Variants in HMCN2 observed in about 807,000 individuals in gnomAD.
The protein encoded by HMCN2 is hemicentin-2.
Under a neutral mutation model 377.5 loss-of-function variants are expected in HMCN2, and 325 were observed. That is an observed-to-expected ratio of 0.86 (90% CI 0.79 to 0.94). The LOEUF (loss-of-function observed/expected upper bound fraction) is 0.94, where lower values mean the gene tolerates loss of function less well. HMCN2 is among the 40% of genes least tolerant of loss of function. The pLI is 0.00. For synonymous variants in HMCN2, 2,007 were observed against 2,046.8 expected (o/e 0.98, Z 0.53); for missense variants, 4,543 against 4,725.3 (o/e 0.96, Z 1.13).
At position 130,296,396 on chromosome 9, in the gene HMCN2, A is replaced by G. The variant is rs578031488; in HGVS notation, c.892-278A>G. 5.9e-5 allele frequency among the ~76,000 whole-genome samples: 9 copies of G among 152,288 alleles called. No homozygotes were observed. The South Asian group carries it at 1.9e-3, about 32-fold the overall frequency. ...GGGCAAGGCAGGGAGTTAGACATTC[A>G]CGGGAACAGACAGGGCCTGCCGGGG... On this transcript the variant is annotated intron_variant, in intron 6 of 97. Transcript: ENST00000683500.
At position 130,384,431 on chromosome 9, in the gene HMCN2, C is replaced by T. The variant is rs1330539171; in HGVS notation, c.8889C>T (p.Ser2963=). The T allele has an allele frequency of 1.0e-5, 13 of 1,303,836 alleles. No homozygotes were observed. Among genetic ancestry groups the T allele is most frequent in the East Asian group, 1.1e-4 (2 of 18,030 alleles). 80.8% of individuals were successfully genotyped at this position (1,303,836 alleles called of 1,614,324 possible). The change falls in exon 58 of 98, where the codon AGC becomes AGT. Residue 2963 remains serine, a synonymous_variant. Transcript: ENST00000683500. ...AGGTCACTGCCATCCTCAACAGCAG[C>T]GTCTCCCTCCCTTGCGACGTCCACG... ...LEQVTAILNS[S]VSLPCDVHAH... is the part of the protein sequence containing the mutation.
rs141618554 is a variant in HMCN2, at chr9:130,429,345, G to T, written c.14198-212G>T. On this transcript the variant is annotated intron_variant, in intron 93 of 97. Coordinates refer to ENST00000683500, the MANE Select transcript of HMCN2 (RefSeq NM_001291815.2). ...GACTCTGCCCACAAAGGGCCTTTCA[G>T]CCCCTTCCTTTCTCTGGGACCTGGA... is the stretch of plus-strand genomic sequence containing the variant. The T allele has an allele frequency of 2.3e-5, 14 of 612,198 alleles. No individual in the cohort carries two copies. The African/African-American group carries it at 2.4e-4, about 11-fold the overall frequency. 37.9% of individuals were successfully genotyped at this position (612,198 alleles called of 1,614,324 possible).
At position 130,382,281 on chromosome 9, in the gene HMCN2, C is replaced by T. The variant is rs972827644; in HGVS notation, c.8529C>T (p.Tyr2843=). 1.1e-5 allele frequency: 11 copies of T among 985,590 alleles called. No homozygotes were observed. Among genetic ancestry groups the T allele is most frequent in the Middle Eastern group, 5.2e-4 (1 of 1,936 alleles). The allele number at this position is 985,590 out of a possible 1,614,324, so 61.1% of individuals were successfully genotyped here. A position where few individuals can be genotyped will look rare whatever the true frequency, so the allele number is the denominator to read the frequency against. ...AGGTGGGCGAGGACTGGCTGCACTA[C>T]GAGCTGCTGGTGCTGAGTGAGTGGC... The part of the protein sequence containing the change: ...SNEVGEDWLH[Y]ELLVLTPPVI... The change falls in exon 55 of 98, where the codon TAC becomes TAT. Residue 2843 remains tyrosine, a synonymous_variant. Coordinates refer to ENST00000683500, the MANE Select transcript of HMCN2 (RefSeq NM_001291815.2).
intron 23 of HMCN2, among the ~76,000 whole-genome samples, chr9:130,340,855 C>T (rs1332188572): frequency 2.6e-5 from 4 of 152,146 alleles, no homozygotes; most frequent in African/African-American, 4.8e-5. Context: ...GGCACATTGG[C>T]GAGGGCAGAG....
rs1836993015 is a variant in HMCN2, at chr9:130,308,147, G to T, written c.2200+581G>T. On this transcript the variant is annotated intron_variant, in intron 14 of 97. Transcript: ENST00000683500. The surrounding 1 kb of genome is among the most constrained non-coding windows in gnomAD (Gnocchi z 4.1). ...CATTTTTGTATTTTTAGTAGAGATG[G>T]GGTTTTACCATGTTGGACAGGCTAG... Among the ~76,000 whole-genome samples, 2 of 151,996 alleles carry T rather than the reference G, an allele frequency of 1.3e-5. No individual in the cohort carries two copies. Among genetic ancestry groups the T allele is most frequent in the Admixed American group, 6.5e-5 (1 of 15,272 alleles).
intron 15 of HMCN2, among the ~76,000 whole-genome samples, chr9:130,315,342 T>G: frequency 2.0e-4 from 1 of 4,982 alleles, no homozygotes; most frequent in East Asian, 7.9e-3. Context: ...TCCCCCTCCC[T>G]TCCCACTCCC....
At chr9:130,307,945 T>C (rs1441480493) in intron 14 of HMCN2, among the ~76,000 whole-genome samples, 1 of 152,138 alleles carries the variant, frequency 6.6e-6, no homozygotes, top group Non-Finnish European at 1.5e-5. Flanking sequence ...TTTTTTATTT[T>C]TTTGTTTTAT....
chr9:130,327,772 ACACT>A (rs1220669928), intron 22 of HMCN2, among the ~76,000 whole-genome samples: 1 of 152,224 alleles, frequency 6.6e-6, no homozygotes, highest in Non-Finnish European at 1.5e-5. Flanking sequence ...CAGGACACTG[ACACT>A]CAGCCAGGGA....
chr9:130,367,667 C>T (rs754423143), intron 43 of HMCN2, among the ~76,000 whole-genome samples: 2 of 151,848 alleles, frequency 1.3e-5, no homozygotes, highest in East Asian at 1.9e-4. Flanking sequence ...GGAGGCTGGT[C>T]GCGGTGGCTC....
intron 84 of HMCN2, among the ~76,000 whole-genome samples, 196 bp from the exon 85 acceptor site, chr9:130,410,375 G>A (rs561019363): frequency 9.9e-4 from 151 of 152,344 alleles, no homozygotes; most frequent in Non-Finnish European, 1.6e-3. Flanking sequence ...GTGAAAAGGG[G>A]CTGGATTCTC....
intron 3 of HMCN2, among the ~76,000 whole-genome samples, 189 bp from the exon 4 acceptor site, chr9:130,285,999 G>A (rs1335463580): frequency 6.6e-6 from 1 of 152,148 alleles, no homozygotes; most frequent in African/African-American, 2.4e-5. Context: ...TCCTGCATCA[G>A]CTCCTGATCC....
chr9:130,383,335 C>T (rs528662971), intron 56 of HMCN2, among the ~76,000 whole-genome samples, 169 bp from the exon 57 acceptor site: 2 of 152,222 alleles, frequency 1.3e-5, no homozygotes, highest in African/African-American at 2.4e-5. Flanking sequence ...CACGCCCGCT[C>T]CTGAGCGCCA....
chr9:130,410,786 T>C (rs1843367795), intron 85 of HMCN2, 134 bp downstream of exon 85: 2 of 756,620 alleles, frequency 2.6e-6, no homozygotes, highest in South Asian at 1.7e-5. Flanking sequence ...GAACACACAC[T>C]GAATCCTACC....
intron 18 of HMCN2, among the ~76,000 whole-genome samples, chr9:130,321,264 C>T (rs1044225981): frequency 1.3e-5 from 2 of 152,160 alleles, no homozygotes; most frequent in Non-Finnish European, 2.9e-5. Context: ...GTGAGCTGTG[C>T]GGTTTCCTAT....
Position 130,422,164 on chromosome 9 carries a change from C to T in HMCN2, c.13232-413C>T, listed in dbSNP as rs1236576121. On this transcript the variant is annotated intron_variant, in intron 86 of 97. Transcript: ENST00000683500. The surrounding 1 kb of genome is among the most constrained non-coding windows in gnomAD (Gnocchi z 4.2). The stretch of plus-strand genomic sequence containing the variant: ...CAGGTGATGGCACCCGGCTCTGGCT[C>T]GGTGCCCTGGCTCCTTCAGTGTGCC... Among the ~76,000 whole-genome samples the T allele has an allele frequency of 5.3e-5, 8 of 152,216 alleles. No individual in the cohort carries two copies. Among genetic ancestry groups the T allele is most frequent in the East Asian group, 3.9e-4 (2 of 5,186 alleles).
Position 130,351,816 on chromosome 9 carries a change from TA to T in HMCN2, c.4585+240del, listed in dbSNP as rs775471535. On this transcript the variant is annotated intron_variant, in intron 30 of 97. Transcript: ENST00000683500. The surrounding 1 kb of genome is among the most constrained non-coding windows in gnomAD (Gnocchi z 5.4). ...ATCCCAGCTCTAAAAATTTACTACT[TA>T]TGTTTTTTTTTTGAGATGAATTCTC... Among the ~76,000 whole-genome samples the T allele has an allele frequency of 3.2e-4, 45 of 142,304 alleles. No individual in the cohort carries two copies. The highest frequency in any genetic ancestry group is 1.5e-3 in the East Asian group (7 of 4,642). 93.4% of individuals were successfully genotyped at this position (142,304 alleles called of 152,430 possible). A position where few individuals can be genotyped will look rare whatever the true frequency, so the allele number is the denominator to read the frequency against.
chr9:130,417,975 G>T (rs1784361385), intron 85 of HMCN2, among the ~76,000 whole-genome samples: 1 of 152,154 alleles, frequency 6.6e-6, no homozygotes, highest in Non-Finnish European at 1.5e-5. Flanking sequence ...ATAGTAAGTG[G>T]ACAGGAAGCA....
intron 15 of HMCN2, among the ~76,000 whole-genome samples, chr9:130,313,401 G>T (rs1479197776): frequency 6.9e-6 from 1 of 145,902 alleles, no homozygotes; most frequent in Non-Finnish European, 1.6e-5. Context: ...TCCGAGCCTG[G>T]CATCTGCCAG....
Position 130,419,018 on chromosome 9 carries a change from C to G in HMCN2, c.13208C>G (p.Ala4403Gly). ...VAHNLLGSAT[A>G]RAFLVVRGEP... ...CACAACCTCCTGGGCTCTGCCACAG[C>G]CCGGGCGTTCCTGGTCGTGAGAGGT... Residue 4403 changes from alanine (A) to glycine (G), a missense_variant, in exon 86 of 98, where the codon GCC becomes GGC. Around this residue, in one of 5 missense-constraint regions of HMCN2, gnomAD observed 1,155 missense variants for 1,157.7 expected, o/e 1.00. Coordinates refer to ENST00000683500, the MANE Select transcript of HMCN2 (RefSeq NM_001291815.2). The G allele has an allele frequency of 6.7e-7, 1 of 1,489,292 alleles. No individual in the cohort carries two copies. Among genetic ancestry groups the G allele is most frequent in the East Asian group, 2.5e-5 (1 of 40,170 alleles). The allele number at this position is 1,489,292 out of a possible 1,614,324, so 92.3% of individuals were successfully genotyped here. A position where few individuals can be genotyped will look rare whatever the true frequency, so the allele number is the denominator to read the frequency against.
Sources: allele counts gnomAD v4.1 joint callset (sites outside exome capture counted in the v4.1 genomes callset), GRCh38; gene constraint gnomAD v4.1.1; regional missense constraint gnomAD v4.1.1; non-coding constraint Gnocchi (gnomAD v3.1); transcripts MANE v1.5; gene names NCBI Gene and HGNC (gene_info 2026-07-23, HGNC 2026-07-21).